DCAF4: variants seen among roughly 807,000 people sequenced by gnomAD.
DCAF4 encodes DDB1 and CUL4 associated factor 4.
DCAF4 carries 37 observed loss-of-function variants against 60.9 expected under a neutral mutation model. The observed-to-expected ratio is 0.61, with a 90% CI of 0.47 to 0.80. The LOEUF (loss-of-function observed/expected upper bound fraction) is 0.80, where lower values mean the gene tolerates loss of function less well. DCAF4 is among the 30% of genes least tolerant of loss of function. The pLI, the probability that DCAF4 is intolerant of heterozygous loss-of-function variation, is 0.00. For synonymous variants in DCAF4, 243 were observed against 254.8 expected, an observed-to-expected ratio of 0.95 and a Z score of 0.44; for missense variants, 577 against 650.0, an observed-to-expected ratio of 0.89 and a Z score of 1.22.
intron 5 of DCAF4, 47 bp downstream of exon 5, chr14:72,941,871 C>T: frequency 6.3e-7 from 1 of 1,587,046 alleles, no homozygotes; most frequent in Non-Finnish European, 8.6e-7. Flanking sequence ...ATGTTCTTTT[C>T]CTGTTTCTTA....
chr14:72,928,588 TA>T (rs1888022268), intron 1 of DCAF4, among the ~76,000 whole-genome samples: 133 of 146,754 alleles, frequency 9.1e-4, no homozygotes, highest in African/African-American at 3.4e-3. Flanking sequence ...ACATCCTTTA[TA>T]TATATATATA....
At chr14:72,928,499 T>TACA (rs200102947) in intron 1 of DCAF4, among the ~76,000 whole-genome samples, 4,229 of 151,700 alleles carry the variant, frequency 0.028, 75 homozygotes, top group Non-Finnish European at 0.038. Context: ...CCGGCCAGTC[T>TACA]ACAGACTCTT....
chr14:72,928,417 T>C (rs1460124709), intron 1 of DCAF4, among the ~76,000 whole-genome samples: 1 of 149,304 alleles, frequency 6.7e-6, no homozygotes, highest in Non-Finnish European at 1.5e-5. Flanking sequence ...TGGTCTCACA[T>C]ATCTGCCGAC....
chr14:72,944,403 T>TA (rs1235581181), intron 6 of DCAF4, among the ~76,000 whole-genome samples: 1 of 152,260 alleles, frequency 6.6e-6, no homozygotes, highest in African/African-American at 2.4e-5. Flanking sequence ...TGTGGGTCTG[T>TA]ATTTATTAAT....
At chr14:72,926,785 A>G (rs1374754219) in intron 1 of DCAF4, 1 of 152,306 alleles carries the variant, frequency 6.6e-6, no homozygotes, top group East Asian at 1.9e-4. Flanking sequence ...CTGCAACCGT[A>G]AACACGCAGG....
chr14:72,941,966 C>T (rs1890103243), intron 5 of DCAF4, 142 bp downstream of exon 5: 1 of 823,688 alleles, frequency 1.2e-6, no homozygotes, highest in Non-Finnish European at 1.9e-6. Flanking sequence ...CCAGTTCACA[C>T]CCTGCCTTCT....
Position 72,956,423 on chromosome 14 carries a change from G to C in DCAF4, c.1217G>C (p.Arg406Thr). 3 of 1,613,428 alleles carry C rather than the reference G, an allele frequency of 1.9e-6. No individual in the cohort carries two copies. Among genetic ancestry groups the C allele is most frequent in the Non-Finnish European group, 2.5e-6 (3 of 1,179,680 alleles). ...LWDLRTTKCV[R>T]QYEGHVNEYA... ...GACCTGAGGACCACGAAGTGCGTAA[G>C]GCAGTACGAAGGCCACGTGAATGAG... Residue 406 changes from arginine (R) to threonine (T), a missense_variant, in exon 13 of 14, where the codon AGG (arginine) becomes ACG (threonine). Coordinates refer to ENST00000358377, the MANE Select transcript of DCAF4 (RefSeq NM_015604.4).
At chr14:72,939,053 T>A (rs1889677206) in intron 2 of DCAF4, among the ~76,000 whole-genome samples, 1 of 152,084 alleles carries the variant, frequency 6.6e-6, no homozygotes, top group South Asian at 2.1e-4. Flanking sequence ...TAAATGTATT[T>A]TTAAAATAAA....
At chr14:72,961,975 G>A, downstream of DCAF4, 1 of 1,123,894 alleles carries the variant, frequency 8.9e-7, no homozygotes, top group Non-Finnish European at 1.1e-6. Flanking sequence ...CTTTGGAGAG[G>A]TCACCCACTT....
intron 12 of DCAF4, among the ~76,000 whole-genome samples, chr14:72,956,080 G>A (rs1442905074): frequency 1.3e-5 from 2 of 151,730 alleles, no homozygotes; most frequent in East Asian, 1.9e-4. Flanking sequence ...CCGCCACTGC[G>A]CCCGGCTAAT....
chr14:72,954,535 T>C, intron 11 of DCAF4, 52 bp downstream of exon 11: 1 of 1,575,866 alleles, frequency 6.3e-7, no homozygotes, highest in Non-Finnish European at 8.7e-7. Context: ...ATGTAGAAAT[T>C]TGGCCAGATT....
At chr14:72,958,389 G>A (rs1008665715) in intron 13 of DCAF4, among the ~76,000 whole-genome samples, 5 of 152,202 alleles carry the variant, frequency 3.3e-5, no homozygotes, top group East Asian at 1.9e-4. Context: ...GGATGTCTCC[G>A]AGCCATTCAT....
chr14:72,959,362 C>T lies in DCAF4; in HGVS notation c.*557C>T, dbSNP rs1036090538. 1.0e-5 allele frequency: 10 copies of T among 985,388 alleles called. No individual in the cohort carries two copies. Among genetic ancestry groups the T allele is most frequent in the African/African-American group, 3.5e-5 (2 of 57,212 alleles). 61.0% of individuals were successfully genotyped at this position (985,388 alleles called of 1,614,324 possible). On this transcript the variant is annotated 3_prime_UTR_variant, in exon 14 of 14. Transcript: ENST00000358377. ...CTTCTCAAACTCAGCAGCAGATCTCCGGGATTCTGCTGTTATTATCCAAAG... is the reference window on the plus strand; with the variant it reads ...CTTCTCAAACTCAGCAGCAGATCTCTGGGATTCTGCTGTTATTATCCAAAG...
intron 1 of DCAF4, among the ~76,000 whole-genome samples, chr14:72,928,798 C>T (rs879940251): frequency 6.6e-6 from 1 of 152,086 alleles, no homozygotes; most frequent in Non-Finnish European, 1.5e-5. Context: ...TGTTGGGCTC[C>T]AGTCCAGGCC....
At chr14:72,930,723 AC>A (rs1434218743) in intron 1 of DCAF4, among the ~76,000 whole-genome samples, 1 of 152,186 alleles carries the variant, frequency 6.6e-6, no homozygotes, top group Non-Finnish European at 1.5e-5. Context: ...GATGATTTAT[AC>A]CTTTGTTTCC....
intron 5 of DCAF4, chr14:72,942,441 C>CT (rs1272485455): frequency 6.4e-6 from 1 of 155,376 alleles, no homozygotes; most frequent in Non-Finnish European, 1.4e-5. Flanking sequence ...TTTGAGGCAG[C>CT]TTCCTGGGGC....
intron 1 of DCAF4, among the ~76,000 whole-genome samples, chr14:72,933,404 C>G (rs1439031577): frequency 1.3e-5 from 2 of 152,096 alleles, no homozygotes; most frequent in Non-Finnish European, 2.9e-5. Flanking sequence ...ACTAAAAATA[C>G]AAAAATGAGC....
intron 13 of DCAF4, chr14:72,957,862 TTGTG>T (rs1208781551): frequency 1.3e-5 from 2 of 152,464 alleles, no homozygotes; most frequent in Non-Finnish European, 2.9e-5. Context: ...ACCCATGCTG[TTGTG>T]TGTCACAGTC....
intron 2 of DCAF4, 41 bp downstream of exon 2, chr14:72,938,111 C>T (rs994304058): frequency 1.8e-5 from 28 of 1,566,600 alleles, no homozygotes; most frequent in Non-Finnish European, 2.2e-5. Context: ...GCCCAGTGTG[C>T]TTCTGGCATT....
Sources: gnomAD v4.1 joint callset for allele counts (sites outside exome capture counted in the v4.1 genomes callset) on GRCh38, gnomAD v4.1.1 for gene constraint, MANE v1.5 for transcripts, NCBI Gene and HGNC (gene_info 2026-07-23, HGNC 2026-07-21) for gene names.